Variants in ZNF790 observed in about 807,000 individuals in gnomAD.
ZNF790 encodes the protein zinc finger protein 790.
ZNF790 carries 8 observed loss-of-function variants against 12.1 expected under a neutral mutation model. The observed-to-expected ratio is 0.66, with a 90% CI of 0.39 to 1.19. The LOEUF (loss-of-function observed/expected upper bound fraction) is 1.19. Among genes scored for constraint, ZNF790 ranks in the 50% most tolerant of loss-of-function variants. The pLI is 0.01. For synonymous variants in ZNF790, 252 were observed against 244.3 expected, an observed-to-expected ratio of 1.03 and a Z score of -0.29; for missense variants, 707 against 752.2, an observed-to-expected ratio of 0.94 and a Z score of 0.70.
At chr19:36,835,329 C>G (rs1274671489) in intron 1 of ZNF790, among the ~76,000 whole-genome samples, 1 of 152,084 alleles carries the variant, frequency 6.6e-6, no homozygotes, top group Non-Finnish European at 1.5e-5. Flanking sequence ...ACACCTCTCT[C>G]AATCCAAGAC....
chr19:36,818,987 T>C lies in ZNF790; in HGVS notation c.1357A>G (p.Lys453Glu). 2 of 1,613,884 alleles carry C rather than the reference T, an allele frequency of 1.2e-6. No homozygotes were observed. Among genetic ancestry groups the C allele is most frequent in the African/African-American group, 1.3e-5 (1 of 75,026 alleles). ...TGAAGAAAGGTCTTTCCACATTCCT[T>C]ACATTCATAGGATTTCCTCTCATTG... is the stretch of plus-strand genomic sequence containing the variant. ...IHNERKSYECKECGKTFLHGS... is the reference protein window; with the variant it reads ...IHNERKSYECEECGKTFLHGS... The change falls in exon 5 of 5, where the codon AAG (lysine) becomes GAG (glutamate). Residue 453 changes from lysine to glutamate, a missense_variant. Transcript: ENST00000356725.
chr19:36,848,636 T>C (rs1027164674), intron 1 of ZNF790, among the ~76,000 whole-genome samples: 2 of 149,932 alleles, frequency 1.3e-5, no homozygotes, highest in Non-Finnish European at 2.9e-5. Flanking sequence ...GTTTTTTGGG[T>C]CTTTTTGTTT....
intron 1 of ZNF790, among the ~76,000 whole-genome samples, chr19:36,846,306 C>A (rs960700275): frequency 5.3e-5 from 8 of 152,088 alleles, no homozygotes; most frequent in Non-Finnish European, 7.4e-5. Context: ...CGCCTGTAGT[C>A]CCAGCACTTT....
At chr19:36,837,631 A>AT (rs941161774) in intron 1 of ZNF790, 2 of 150,338 alleles carry the variant, frequency 1.3e-5, no homozygotes, top group African/African-American at 2.5e-5. Context: ...TAATTCTTGC[A>AT]TTTTTAACTA....
At chr19:36,840,887 C>G (rs1430744658), upstream of ZNF790, among the ~76,000 whole-genome samples, 1 of 152,082 alleles carries the variant, frequency 6.6e-6, no homozygotes, top group Non-Finnish European at 1.5e-5. Flanking sequence ...TAGAGGTAGA[C>G]TCAGGTAGGA....
At chr19:36,838,801 T>C (rs1022556507), upstream of ZNF790, among the ~76,000 whole-genome samples, 1 of 152,222 alleles carries the variant, frequency 6.6e-6, no homozygotes, top group Non-Finnish European at 1.5e-5. This position sits in a 1 kb window ranked among gnomAD's most constrained non-coding sequence, Gnocchi z 4.4. Context: ...AGGAGCTCGC[T>C]GCGTGGGCCT....
chr19:36,837,903 C>G (rs2072077996), intron 1 of ZNF790: 1 of 152,396 alleles, frequency 6.6e-6, no homozygotes, highest in African/African-American at 2.4e-5. Flanking sequence ...AAAAACTGCT[C>G]CCCACACATT....
intron 1 of ZNF790, among the ~76,000 whole-genome samples, chr19:36,832,910 G>A (rs542754664): frequency 6.6e-6 from 1 of 151,136 alleles, no homozygotes; most frequent in African/African-American, 2.4e-5. Context: ...CTACAGCCAA[G>A]GCAGGAGGAC....
intron 4 of ZNF790, among the ~76,000 whole-genome samples, chr19:36,822,568 G>C (rs1055271861): frequency 6.6e-6 from 1 of 152,210 alleles, no homozygotes; most frequent in Non-Finnish European, 1.5e-5. Flanking sequence ...GATGGAGTCT[G>C]ACTGTACTCC....
intron 1 of ZNF790, among the ~76,000 whole-genome samples, chr19:36,835,164 C>T (rs1372121957): frequency 6.6e-6 from 1 of 152,162 alleles, no homozygotes; most frequent in African/African-American, 2.4e-5. Context: ...TGGCGCATGC[C>T]TGTAGTCCCA....
At chr19:36,824,842 T>C (rs2071762672) in intron 2 of ZNF790, among the ~76,000 whole-genome samples, 1 of 152,228 alleles carries the variant, frequency 6.6e-6, no homozygotes, top group Non-Finnish European at 1.5e-5. Context: ...CCCAGGTAAC[T>C]GTCCTTTGCT....
chr19:36,819,521 T>C lies in ZNF790; in HGVS notation c.823A>G (p.Ile275Val). The change falls in exon 5 of 5, where the codon ATT becomes GTT. Residue 275 changes from isoleucine (I) to valine (V), a missense_variant. Coordinates refer to ENST00000356725, the MANE Select transcript of ZNF790 (RefSeq NM_206894.4). Reference sequence around the variant, plus strand: ...TCATAAGATTTCTCACCAGTATGAATTCGCTTATGGACACTAAGTTGTGAA... The same window carrying C: ...TCATAAGATTTCTCACCAGTATGAACTCGCTTATGGACACTAAGTTGTGAA... ...FHSQLSVHKR[I>V]HTGEKSYECK... 1 of 1,613,016 alleles carries C rather than the reference T, an allele frequency of 6.2e-7. No individual in the cohort carries two copies.
chr19:36,843,196 T>C (rs1042136458), upstream of ZNF790, among the ~76,000 whole-genome samples: 1 of 152,164 alleles, frequency 6.6e-6, no homozygotes, highest in East Asian at 1.9e-4. Context: ...AAACACAACA[T>C]TGGAGACTTT....
chr19:36,848,267 T>C (rs2072198078), intron 1 of ZNF790, among the ~76,000 whole-genome samples: 1 of 152,196 alleles, frequency 6.6e-6, no homozygotes, highest in East Asian at 1.9e-4. Flanking sequence ...TGGAAAGTTC[T>C]GCCCTACCCC....
intron 1 of ZNF790, among the ~76,000 whole-genome samples, chr19:36,830,983 C>T (rs1322798360): frequency 6.6e-6 from 1 of 151,962 alleles, no homozygotes; most frequent in Non-Finnish European, 1.5e-5. Context: ...ACTAAAAATA[C>T]AAAAAATTAG....
At chr19:36,842,483 G>C (rs78297558), upstream of ZNF790, among the ~76,000 whole-genome samples, 801 of 151,922 alleles carry the variant, frequency 5.3e-3, 22 homozygotes, top group Admixed American at 0.039. Context: ...GACAGACAAA[G>C]GAAACATAGT....
chr19:36,819,577 C>G lies in ZNF790; in HGVS notation c.767G>C (p.Cys256Ser), dbSNP rs201559319. Residue 256 changes from cysteine (C) to serine (S), a missense_variant, in exon 5 of 5, where the codon TGT becomes TCT. Physicochemically the swap from Cys to Ser is moderately radical, Grantham distance 112 (BLOSUM62 -1). Coordinates refer to ENST00000356725, the MANE Select transcript of ZNF790 (RefSeq NM_206894.4). ...TCTAAAGGCTTTCCCACAATCCTTA[C>G]ATTTAAAAGGTTTCTCACCGGTATG... ...RIHTGEKPFK[C>S]KDCGKAFRFH... 9.1e-5 allele frequency: 146 copies of G among 1,611,142 alleles called. No individual in the cohort carries two copies. The African/African-American group carries it at 1.9e-3, about 20-fold the overall frequency.
At chr19:36,821,078 C>A (rs1269330377) in intron 4 of ZNF790, among the ~76,000 whole-genome samples, 1 of 140,342 alleles carries the variant, frequency 7.1e-6, no homozygotes, top group African/African-American at 2.7e-5. Flanking sequence ...TTAACAACAA[C>A]AAAAAAATAG....
At chr19:36,820,401 T>C (rs2071642278) in intron 4 of ZNF790, among the ~76,000 whole-genome samples, 1 of 152,156 alleles carries the variant, frequency 6.6e-6, no homozygotes. Flanking sequence ...GAATAATAAG[T>C]CATAAAATAC....
Sources: allele counts gnomAD v4.1 joint callset (sites outside exome capture counted in the v4.1 genomes callset), GRCh38; gene constraint gnomAD v4.1.1; non-coding constraint Gnocchi (gnomAD v3.1); transcripts MANE v1.5; gene names NCBI Gene and HGNC (gene_info 2026-07-23, HGNC 2026-07-21).